ZC3H12C: variants seen among roughly 807,000 people sequenced by gnomAD.
The protein encoded by ZC3H12C is zinc finger CCCH-type containing 12C.
A neutral mutation model predicts 76.3 loss-of-function variants in ZC3H12C; 20 were observed. That is an observed-to-expected ratio of 0.26 (90% confidence interval 0.18 to 0.38). The LOEUF (loss-of-function observed/expected upper bound fraction) is 0.38, where lower values mean the gene tolerates loss of function less well. ZC3H12C is among the 10% of genes least tolerant of loss of function. The pLI is 1.00. For missense variants in ZC3H12C, 874 were observed against 1,086.5 expected, an observed-to-expected ratio of 0.80 and a Z score of 2.75; for synonymous variants, 352 against 399.6, an observed-to-expected ratio of 0.88 and a Z score of 1.42.
In ZC3H12C at chr11:110,166,043, CAG is replaced by C; in HGVS notation, c.*307_*308del. On this transcript the variant is annotated 3_prime_UTR_variant, in exon 6 of 6. Coordinates refer to ENST00000278590, the MANE Select transcript of ZC3H12C (RefSeq NM_033390.2). ...TCTTTGATATTAATCTTTGGTGCAT[CAG>C]GGGTTTATATGCAGCACTTTTTATC... 3.5e-6 allele frequency: 1 copy of C among 287,854 alleles called. No individual in the cohort carries two copies. 17.8% of individuals were successfully genotyped at this position (287,854 alleles called of 1,614,324 possible). A position where few individuals can be genotyped will look rare whatever the true frequency, so the allele number is the denominator to read the frequency against.
At chr11:110,135,826 T>C (rs969744181) in intron 1 of ZC3H12C, 2 of 152,120 alleles carry the variant, frequency 1.3e-5, no homozygotes, top group East Asian at 1.9e-4. Flanking sequence ...CTGCTAATTT[T>C]ATGTGAGATA....
chr11:110,117,934 A>G (rs1266311835), intron 1 of ZC3H12C, among the ~76,000 whole-genome samples: 1 of 128,570 alleles, frequency 7.8e-6, no homozygotes, highest in African/African-American at 3.2e-5. Context: ...ACACACACAC[A>G]TATATATATT....
rs553171095 is a variant in ZC3H12C at position 110,165,636 on chromosome 11, C to G, written c.2551C>G (p.Pro851Ala). ...IYINLCNIFP[P>A]DLVRIVMKRN... is the part of the protein sequence containing the mutation. ...TATCAATTTGTGCAACATCTTCCCC[C>G]CTGACCTTGTGAGAATTGTCATGAA... The change falls in exon 6 of 6, where the codon CCT (proline) becomes GCT (alanine). Residue 851 changes from proline (P) to alanine (A), a missense_variant. Pro to Ala is a conservative substitution (Grantham distance 27). Transcript: ENST00000278590. 13 of 1,599,274 alleles carry G rather than the reference C, an allele frequency of 8.1e-6. No individual in the cohort carries two copies. In the East Asian group the frequency reaches 9.0e-5, roughly 11 times the overall value.
In ZC3H12C at chr11:110,126,845, A is replaced by G. The variant is rs1365173107; in HGVS notation, c.22-9818A>G. Among the ~76,000 whole-genome samples, 6 of 152,304 alleles carry G rather than the reference A, an allele frequency of 3.9e-5. No homozygotes were observed. The South Asian group carries it at 1.2e-3, about 32-fold the overall frequency. ...TGAATAAATACACTAATATTAATGT[A>G]CTTTTTCTACCCCATATTAATACTT... is the stretch of plus-strand genomic sequence containing the variant. On this transcript the variant is annotated intron_variant, in intron 1 of 5. Transcript: ENST00000278590.
At chr11:110,117,639 T>G (rs997650870) in intron 1 of ZC3H12C, among the ~76,000 whole-genome samples, 4 of 144,622 alleles carry the variant, frequency 2.8e-5, no homozygotes, top group African/African-American at 5.2e-5. Flanking sequence ...CCACATGAGA[T>G]ATATATATAT....
intron 3 of ZC3H12C, among the ~76,000 whole-genome samples, chr11:110,156,105 G>A (rs1862373024): frequency 1.7e-5 from 1 of 59,742 alleles, no homozygotes; most frequent in South Asian, 7.4e-4. Context: ...CCAAACTAAT[G>A]GCAGAGGCAT....
chr11:110,113,611 T>C (rs986889712), intron 1 of ZC3H12C, among the ~76,000 whole-genome samples: 3 of 152,246 alleles, frequency 2.0e-5, no homozygotes, highest in African/African-American at 7.2e-5. Flanking sequence ...AAGGGGTCTA[T>C]GTTACAAAAA....
intron 1 of ZC3H12C, chr11:110,131,542 G>A (rs573993800): frequency 5.7e-6 from 1 of 176,526 alleles, no homozygotes; most frequent in South Asian, 1.3e-4. Flanking sequence ...AGCTTGGGGA[G>A]ATGGATTGAT....
chr11:110,128,910 A>G (rs1028251442), intron 1 of ZC3H12C, among the ~76,000 whole-genome samples: 15 of 145,494 alleles, frequency 1.0e-4, no homozygotes, highest in South Asian at 6.5e-4. Context: ...AAAAAAAAAA[A>G]AGAGATAAAG....
intron 1 of ZC3H12C, among the ~76,000 whole-genome samples, chr11:110,120,050 C>A (rs12420764): frequency 6.6e-6 from 1 of 152,158 alleles, no homozygotes; most frequent in African/African-American, 2.4e-5. Flanking sequence ...TTACCATCAC[C>A]TGACATGTAT....
At position 110,168,750 on chromosome 11, in the gene ZC3H12C, G is replaced by A. The variant is rs1010168480; in HGVS notation, c.*3013G>A. 9 of 152,054 alleles carry A rather than the reference G, an allele frequency of 5.9e-5. No homozygotes were observed. The highest frequency in any genetic ancestry group is 2.1e-4 in the South Asian group (1 of 4,826). 9.4% of individuals were successfully genotyped at this position (152,054 alleles called of 1,614,324 possible). ...CTCCTTTCTTGCATGGGATACAGAC[G>A]TTTTCAGTCTTGTTTTTATGATCTC... is the stretch of plus-strand genomic sequence containing the variant. On this transcript the variant is annotated 3_prime_UTR_variant, in exon 6 of 6. Coordinates refer to ENST00000278590, the MANE Select transcript of ZC3H12C (RefSeq NM_033390.2).
chr11:110,145,604 C>A (rs662051), intron 2 of ZC3H12C, among the ~76,000 whole-genome samples: 2 of 147,522 alleles, frequency 1.4e-5, no homozygotes, highest in Non-Finnish European at 3.0e-5. Context: ...AAATTGGGGG[C>A]GGGGGGGAGT....
chr11:110,155,104 A>C (rs1349218022), intron 3 of ZC3H12C, among the ~76,000 whole-genome samples: 1 of 152,156 alleles, frequency 6.6e-6, no homozygotes, highest in Non-Finnish European at 1.5e-5. Context: ...CCTGGCCAAC[A>C]TGGTGAAATC....
rs1862680786 is a variant in ZC3H12C, at chr11:110,171,591, G to C, written c.*5854G>C. On this transcript the variant is annotated 3_prime_UTR_variant, in exon 6 of 6. Coordinates refer to ENST00000278590, the MANE Select transcript of ZC3H12C (RefSeq NM_033390.2). Reference sequence around the variant, plus strand: ...GAAACAGCTATGTGATTCTGCCACTGAGAAAAAAAAAATTTTTAATTCGTT... The same window carrying C: ...GAAACAGCTATGTGATTCTGCCACTCAGAAAAAAAAAATTTTTAATTCGTT... 6.6e-6 allele frequency: 1 copy of C among 151,836 alleles called. No individual in the cohort carries two copies. Among genetic ancestry groups the C allele is most frequent in the Non-Finnish European group, 1.5e-5 (1 of 67,948 alleles). 9.4% of individuals were successfully genotyped at this position (151,836 alleles called of 1,614,324 possible).
At chr11:110,141,396 C>A (rs1051917279) in intron 2 of ZC3H12C, among the ~76,000 whole-genome samples, 5 of 152,150 alleles carry the variant, frequency 3.3e-5, no homozygotes, top group African/African-American at 1.2e-4. Flanking sequence ...AAGTACAAAG[C>A]CTTTCTTATA....
At position 110,169,941 on chromosome 11, in the gene ZC3H12C, A is replaced by ACTT. The variant is rs2134207968; in HGVS notation, c.*4205_*4207dup. On this transcript the variant is annotated 3_prime_UTR_variant, in exon 6 of 6. Coordinates refer to ENST00000278590, the MANE Select transcript of ZC3H12C (RefSeq NM_033390.2). Reference sequence around the variant, plus strand: ...ATTAGTGTGGCTGTGTTCCAATAAAACTTTATTTACAGAAACGGGAAGCCG... The same window carrying ACTT: ...ATTAGTGTGGCTGTGTTCCAATAAAACTTCTTTATTTACAGAAACGGGAAGCCG... The ACTT allele has an allele frequency of 6.6e-6, 1 of 152,272 alleles. No individual in the cohort carries two copies. Among genetic ancestry groups the ACTT allele is most frequent in the East Asian group, 1.9e-4 (1 of 5,184 alleles). The allele number at this position is 152,272 out of a possible 1,614,324, so 9.4% of individuals were successfully genotyped here.
At chr11:110,100,212 C>CTTTTTTTTT (rs10656341) in intron 1 of ZC3H12C, among the ~76,000 whole-genome samples, 2 of 134,214 alleles carry the variant, frequency 1.5e-5, no homozygotes, top group Admixed American at 1.5e-4. Context: ...CTATATGGTA[C>CTTTTTTTTT]TTTTTTTTTT....
At chr11:110,119,190 C>T (rs1861611258) in intron 1 of ZC3H12C, among the ~76,000 whole-genome samples, 2 of 152,068 alleles carry the variant, frequency 1.3e-5, no homozygotes, top group Non-Finnish European at 2.9e-5. Flanking sequence ...GGAAGTAAGC[C>T]CAAGTTGATA....
Position 110,165,684 on chromosome 11 carries a change from GC to G in ZC3H12C, c.2602del (p.Gln868SerfsTer8). The G allele has an allele frequency of 6.3e-7, 1 of 1,597,098 alleles. No homozygotes were observed. The highest frequency in any genetic ancestry group is 8.5e-7 in the Non-Finnish European group (1 of 1,171,338). On this transcript the variant is annotated frameshift_variant, in exon 6 of 6. Coordinates refer to ENST00000278590, the MANE Select transcript of ZC3H12C (RefSeq NM_033390.2). LOFTEE classifies it high-confidence loss of function. ...GAAAAGGAATCCTCACATGACAGAC[GC>G]CCAGCAGCTCGCCGCAGCCATTTTA... ...VMKRNPHMTD[A>X]QQLAAAILVE...
Sources: gnomAD v4.1 joint callset for allele counts (sites outside exome capture counted in the v4.1 genomes callset) on GRCh38, gnomAD v4.1.1 for gene constraint, MANE v1.5 for transcripts, NCBI Gene and HGNC (gene_info 2026-07-23, HGNC 2026-07-21) for gene names.